Variants in SF3B3 observed in about 807,000 individuals in gnomAD.
SF3B3 encodes SAP 130.
A neutral mutation model predicts 139.2 loss-of-function variants in SF3B3; 33 were observed. That is an observed-to-expected ratio of 0.24 (90% CI 0.18 to 0.32). The LOEUF (loss-of-function observed/expected upper bound fraction) is 0.32. SF3B3 is among the 10% of genes least tolerant of loss of function. SF3B3 has a pLI of 1.00. For synonymous variants in SF3B3, 596 were observed against 563.6 expected (o/e 1.06, Z -0.81); for missense variants, 818 against 1,509.4 (o/e 0.54, Z 7.59).
At chr16:70,531,006 G>C (rs192175848) in intron 4 of SF3B3, 89 bp downstream of exon 4, 5 of 1,203,090 alleles carry the variant, frequency 4.2e-6, no homozygotes, top group Non-Finnish European at 5.9e-6. Context: ...GGTGGCTCAC[G>C]CCTGTAATCC....
chr16:70,566,999 A>G (rs1264825849), intron 20 of SF3B3, among the ~76,000 whole-genome samples: 2 of 151,864 alleles, frequency 1.3e-5, no homozygotes, highest in Non-Finnish European at 2.9e-5. Context: ...ATAGTGAGCC[A>G]TGATTGCGCC....
Position 70,541,807 on chromosome 16 carries a change from C to T in SF3B3, c.1206C>T (p.Asp402=). 6.2e-7 allele frequency: 1 copy of T among 1,614,092 alleles called. No individual in the cohort carries two copies. The highest frequency in any genetic ancestry group is 8.5e-7 in the Non-Finnish European group (1 of 1,179,954). Residue 402 remains aspartate, a synonymous_variant, in exon 9 of 26, where the codon GAC becomes GAT. Coordinates refer to ENST00000302516, the MANE Select transcript of SF3B3 (RefSeq NM_012426.5). ...ACCTTGTGCTGGTTGATGAGTTGGA[C>T]AGCCTCTCTCCCATTCTGTTTTGCC... is the stretch of plus-strand genomic sequence containing the variant. ...LKNLVLVDEL[D]SLSPILFCQI... is the part of the protein sequence containing the mutation.
chr16:70,569,015 C>T (rs781226600), intron 22 of SF3B3, 28 bp from the exon 23 acceptor site: 1 of 1,538,810 alleles, frequency 6.5e-7, no homozygotes, highest in Non-Finnish European at 8.9e-7. Flanking sequence ...CGGGCCCCAG[C>T]AGTGTGACTT....
chr16:70,567,159 C>A (rs1463606838), intron 20 of SF3B3, among the ~76,000 whole-genome samples: 1 of 152,108 alleles, frequency 6.6e-6, no homozygotes, highest in Admixed American at 6.5e-5. Context: ...ACCAGTTAAA[C>A]AGAGCACAAG....
intron 14 of SF3B3, 35 bp from the exon 15 acceptor site, chr16:70,556,851 T>G: frequency 1.2e-6 from 2 of 1,612,774 alleles, no homozygotes; most frequent in Non-Finnish European, 1.7e-6. Flanking sequence ...AAATTGTCAT[T>G]TTCTGTGTTT....
Position 70,523,916 on chromosome 16 carries a change from T to G in SF3B3, c.-83T>G, listed in dbSNP as rs971604546. 2.2e-6 allele frequency: 1 copy of G among 460,512 alleles called. No individual in the cohort carries two copies. Among genetic ancestry groups the G allele is most frequent in the African/African-American group, 2.0e-5 (1 of 49,230 alleles). 28.5% of individuals were successfully genotyped at this position (460,512 alleles called of 1,614,324 possible). A position where few individuals can be genotyped will look rare whatever the true frequency, so the allele number is the denominator to read the frequency against. ...CATCCGTTGGATATCCACACCATCC[T>G]TCTCGCTGCAGGGTAAAAAAACAGC... On this transcript the variant is annotated 5_prime_UTR_variant, in exon 1 of 26. Coordinates refer to ENST00000302516, the MANE Select transcript of SF3B3 (RefSeq NM_012426.5).
rs997054577 is a variant in SF3B3, at chr16:70,554,268, C to T, written c.1403-178C>T. Reference sequence around the variant, plus strand: ...AGAGTATATCTGTAGGCTCTTCTGACCCCTAGTTTTCTTCTGGATCATTTT... The same window carrying T: ...AGAGTATATCTGTAGGCTCTTCTGATCCCTAGTTTTCTTCTGGATCATTTT... On this transcript the variant is annotated intron_variant, in intron 11 of 25. Coordinates refer to ENST00000302516, the MANE Select transcript of SF3B3 (RefSeq NM_012426.5). 8.9e-6 allele frequency: 5 copies of T among 562,450 alleles called. No homozygotes were observed. The Admixed American group carries it at 1.3e-4, about 14-fold the overall frequency. 34.8% of individuals were successfully genotyped at this position (562,450 alleles called of 1,614,324 possible).
intron 17 of SF3B3, among the ~76,000 whole-genome samples, chr16:70,562,847 G>T (rs1157565798): frequency 2.7e-5 from 4 of 149,448 alleles, no homozygotes; most frequent in Non-Finnish European, 5.9e-5. Flanking sequence ...TTTTTTTTTT[G>T]AGACAAGGTC....
At chr16:70,561,505 T>A in intron 16 of SF3B3, 125 bp from the exon 17 acceptor site, 1 of 794,668 alleles carries the variant, frequency 1.3e-6, no homozygotes, top group Non-Finnish European at 2.1e-6. Context: ...TAGCCTGTTA[T>A]ATTTCTAGAA....
chr16:70,560,471 C>T lies in SF3B3; in HGVS notation c.2013C>T (p.Asn671=), dbSNP rs770925791. ...GFLYLNIGLQ[N]GVLLRTVLDP... is the part of the protein sequence containing the mutation. ...CCTGCTCCTCTCCTTTTGATTAGAA[C>T]GGTGTGCTGCTGAGGACTGTCTTGG... Residue 671 remains asparagine, a splice_region_variant and synonymous_variant, in exon 16 of 26, where the codon AAC becomes AAT. Transcript: ENST00000302516. The T allele has an allele frequency of 8.1e-6, 13 of 1,613,070 alleles. No individual in the cohort carries two copies. In the African/African-American group the frequency reaches 1.3e-4, roughly 17 times the overall value.
intron 17 of SF3B3, 50 bp from the exon 18 acceptor site, chr16:70,563,826 T>A (rs946149979): frequency 6.3e-7 from 1 of 1,579,300 alleles, no homozygotes; most frequent in Non-Finnish European, 8.7e-7. Flanking sequence ...TCAACACCAG[T>A]TTCTGGGTCC....
intron 11 of SF3B3, chr16:70,550,740 G>C (rs1041585068): frequency 3.5e-6 from 3 of 863,314 alleles, no homozygotes; most frequent in Admixed American, 6.2e-5. Flanking sequence ...AGAGGGACCT[G>C]CACAAAATAT....
At position 70,538,991 on chromosome 16, in the gene SF3B3, C is replaced by T. The variant is rs187104613; in HGVS notation, c.964-113C>T. 1.9e-3 allele frequency: 1,545 copies of T among 798,004 alleles called. 5 individuals are homozygous for T. The highest frequency in any genetic ancestry group is 2.1e-3 in the Non-Finnish European group (980 of 458,260). 49.4% of individuals were successfully genotyped at this position (798,004 alleles called of 1,614,324 possible). ...TGGCCCATGAGCCGGAGTTTGTTGA[C>T]CCCTGGTCAGATATGAAATACAGTA... On this transcript the variant is annotated intron_variant, in intron 7 of 25. Coordinates refer to ENST00000302516, the MANE Select transcript of SF3B3 (RefSeq NM_012426.5).
In SF3B3 at chr16:70,577,359, A is replaced by G. The variant is rs571108180; in HGVS notation, c.*5546A>G. 1 of 152,370 alleles carries G rather than the reference A, an allele frequency of 6.6e-6. No individual in the cohort carries two copies. Among genetic ancestry groups the G allele is most frequent in the Non-Finnish European group, 1.5e-5 (1 of 68,074 alleles). The allele number at this position is 152,370 out of a possible 1,614,324, so 9.4% of individuals were successfully genotyped here. ...TTCAGGCTTCTGTGAGGCCCCAGTG[A>G]GATCCTGTGGCTGTGCCCCCATCAC... On this transcript the variant is annotated 3_prime_UTR_variant, in exon 26 of 26. Transcript: ENST00000302516.
rs757339949 is a variant in SF3B3, at chr16:70,571,718, C to T, written c.3559C>T (p.Pro1187Ser). Residue 1187 changes from proline (P) to serine (S), a missense_variant, in exon 26 of 26, where the codon CCC becomes TCC. This residue lies in a region of SF3B3 where 28 missense variants were observed against 59.1 expected (regional missense o/e 0.47). Coordinates refer to ENST00000302516, the MANE Select transcript of SF3B3 (RefSeq NM_012426.5). ...DLCEQFNSME[P>S]NKQKNVSEEL... ...CTGTGAGCAGTTCAATTCCATGGAACCCAACAAACAAAAGAACGTCTCTGA... is the reference window on the plus strand; with the variant it reads ...CTGTGAGCAGTTCAATTCCATGGAATCCAACAAACAAAAGAACGTCTCTGA... 40 of 1,614,108 alleles carry T rather than the reference C, an allele frequency of 2.5e-5. No homozygotes were observed. The highest frequency in any genetic ancestry group is 3.3e-5 in the Non-Finnish European group (39 of 1,180,010).
rs773349128 is a variant in SF3B3 at position 70,576,788 on chromosome 16, G to T, written c.*4975G>T. ...ACAGTCAGATGACCTGGGCTCACTA[G>T]CCTCTAAGCATAGTCTTGGTTTCCT... is the stretch of plus-strand genomic sequence containing the variant. On this transcript the variant is annotated 3_prime_UTR_variant, in exon 26 of 26. Transcript: ENST00000302516. 4 of 152,198 alleles carry T rather than the reference G, an allele frequency of 2.6e-5. No homozygotes were observed. Among genetic ancestry groups the T allele is most frequent in the Non-Finnish European group, 4.4e-5 (3 of 68,050 alleles). 9.4% of individuals were successfully genotyped at this position (152,198 alleles called of 1,614,324 possible).
intron 11 of SF3B3, among the ~76,000 whole-genome samples, chr16:70,552,649 C>A (rs1021880203): frequency 2.6e-5 from 4 of 152,194 alleles, no homozygotes; most frequent in Non-Finnish European, 5.9e-5. Flanking sequence ...AACCTTTACT[C>A]TGTGGATTCC....
rs2050071263 is a variant in SF3B3, at chr16:70,527,051, G to T, written c.70+325G>T. 1.0e-5 allele frequency: 3 copies of T among 292,732 alleles called. No homozygotes were observed. In the South Asian group the frequency reaches 2.1e-4, roughly 20 times the overall value. The allele number at this position is 292,732 out of a possible 1,614,324, so 18.1% of individuals were successfully genotyped here. ...TCTTTGATCTTGAATTTGACATCAG[G>T]TTGGGTAAAAAGAATGTCTGAAGGT... On this transcript the variant is annotated intron_variant, in intron 2 of 25. Coordinates refer to ENST00000302516, the MANE Select transcript of SF3B3 (RefSeq NM_012426.5).
In SF3B3 at chr16:70,526,647, T is replaced by C; in HGVS notation, c.-10T>C. 6.2e-7 allele frequency: 1 copy of C among 1,611,912 alleles called. No individual in the cohort carries two copies. Among genetic ancestry groups the C allele is most frequent in the Non-Finnish European group, 8.5e-7 (1 of 1,178,106 alleles). On this transcript the variant is annotated 5_prime_UTR_variant, in exon 2 of 26. Coordinates refer to ENST00000302516, the MANE Select transcript of SF3B3 (RefSeq NM_012426.5). ...CCTGGAGGTCTGGGTGGCTCAGGTT[T>C]CCTGCAGCCATGTTTCTGTACAACT... is the stretch of plus-strand genomic sequence containing the variant.
Sources: gnomAD v4.1 joint callset for allele counts (sites outside exome capture counted in the v4.1 genomes callset) on GRCh38, gnomAD v4.1.1 for gene constraint, gnomAD v4.1.1 regional missense constraint, MANE v1.5 for transcripts, NCBI Gene and HGNC (gene_info 2026-07-23, HGNC 2026-07-21) for gene names.